The following WBP2NL variants were observed in gnomAD, a reference collection of about 807,000 sequenced individuals.
WBP2NL encodes postacrosomal sheath WW domain-binding protein.
A neutral mutation model predicts 23.3 loss-of-function variants in WBP2NL; 27 were observed. That is an observed-to-expected ratio of 1.16 (90% CI 0.85 to 1.60). The LOEUF is 1.60. Among genes scored for constraint, WBP2NL ranks in the 40% most tolerant of loss-of-function variants. The pLI, the probability that WBP2NL is intolerant of heterozygous loss-of-function variation, is 0.00. For synonymous variants in WBP2NL, 151 were observed against 145.9 expected, an observed-to-expected ratio of 1.03 and a Z score of -0.25; for missense variants, 370 against 389.5, an observed-to-expected ratio of 0.95 and a Z score of 0.42.
chr22:42,009,113 A>G (rs1040986874), intron 1 of WBP2NL, among the ~76,000 whole-genome samples: 8 of 152,220 alleles, frequency 5.3e-5, no homozygotes, highest in Middle Eastern at 3.4e-3. Context: ...ACAGGGTTTC[A>G]CCATGTTGGG....
At chr22:42,017,930 C>T (rs1923465925) in intron 1 of WBP2NL, among the ~76,000 whole-genome samples, 1 of 151,966 alleles carries the variant, frequency 6.6e-6, no homozygotes, top group Non-Finnish European at 1.5e-5. Context: ...GGGCGGATCA[C>T]CTGAGGTCAG....
downstream of WBP2NL, chr22:42,030,040 G>A (rs1237701434): frequency 1.3e-5 from 2 of 152,146 alleles, no homozygotes; most frequent in South Asian, 2.1e-4. Flanking sequence ...GATATTAATG[G>A]GTTTTATGTG....
rs1473246092 is a variant in WBP2NL, at chr22:42,020,901, TATATATA to T, written c.406+806_406+812del. Among the ~76,000 whole-genome samples the T allele has an allele frequency of 4.4e-4, 25 of 56,508 alleles. 1 individual carries two copies. The highest frequency in any genetic ancestry group is 9.3e-4 in the East Asian group (2 of 2,140). The allele number at this position is 56,508 out of a possible 152,430, so 37.1% of individuals were successfully genotyped here. A position where few individuals can be genotyped will look rare whatever the true frequency, so the allele number is the denominator to read the frequency against. On this transcript the variant is annotated intron_variant, in intron 4 of 5. Transcript: ENST00000328823. ...ATATATATATATATATATATATATATATATATATTTTTTTTTTTTTTTTTTTTTTTTT... is the reference window on the plus strand; with the variant it reads ...ATATATATATATATATATATATATATTTTTTTTTTTTTTTTTTTTTTTTTT...
intron 1 of WBP2NL, among the ~76,000 whole-genome samples, chr22:42,016,379 C>T (rs774645980): frequency 6.6e-6 from 1 of 152,162 alleles, no homozygotes; most frequent in African/African-American, 2.4e-5. Context: ...AAGGAGCCAC[C>T]AGACAAGTCA....
intron 8 of WBP2NL, among the ~76,000 whole-genome samples, chr22:42,049,393 A>G (rs758603276): frequency 6.6e-6 from 1 of 152,170 alleles, no homozygotes; most frequent in East Asian, 1.9e-4. Flanking sequence ...TAAAAATTCT[A>G]GAAGATAACA....
intron 1 of WBP2NL, chr22:42,003,124 C>G (rs966350340): frequency 1.3e-5 from 2 of 152,300 alleles, no homozygotes; most frequent in African/African-American, 4.9e-5. Flanking sequence ...CGCCATTGCA[C>G]TCCAGCCTGG....
Position 42,022,333 on chromosome 22 carries a change from G to A in WBP2NL, c.491G>A (p.Cys164Tyr), listed in dbSNP as rs762771401. Reference sequence around the variant, plus strand: ...GTAATTACTGGGGAAGGGAATATGTGCACTCCACAGATGCCTTGTTCAGGT... The same window carrying A: ...GTAATTACTGGGGAAGGGAATATGTACACTCCACAGATGCCTTGTTCAGGT... ...IYVITGEGNM[C>Y]TPQMPCSVIV... Residue 164 changes from cysteine to tyrosine, a missense_variant, in exon 5 of 6, where the codon TGC (cysteine) becomes TAC (tyrosine). Cys to Tyr is a radical substitution (Grantham distance 194). Transcript: ENST00000328823. The A allele has an allele frequency of 6.2e-7, 1 of 1,613,652 alleles. No individual in the cohort carries two copies. The highest frequency in any genetic ancestry group is 1.3e-5 in the African/African-American group (1 of 74,904).
chr22:42,015,791 G>T (rs1431910728), intron 1 of WBP2NL, among the ~76,000 whole-genome samples: 1 of 152,088 alleles, frequency 6.6e-6, no homozygotes, highest in African/African-American at 2.4e-5. Context: ...TTTGTTTTTA[G>T]TATGAATCTA....
rs1602469137 is a variant in WBP2NL, at chr22:42,028,153, A to C, written c.*972A>C. On this transcript the variant is annotated 3_prime_UTR_variant, in exon 6 of 6. Coordinates refer to ENST00000328823, the MANE Select transcript of WBP2NL (RefSeq NM_152613.3). The stretch of plus-strand genomic sequence containing the variant: ...ATTAGAAATAACCTATATGTCCATT[A>C]ATAGGAAATATATGAATAGGCTATG... The C allele has an allele frequency of 7.5e-5, 30 of 398,394 alleles. No homozygotes were observed. The East Asian group carries it at 1.0e-3, about 14-fold the overall frequency. 24.7% of individuals were successfully genotyped at this position (398,394 alleles called of 1,614,324 possible). A position where few individuals can be genotyped will look rare whatever the true frequency, so the allele number is the denominator to read the frequency against.
Position 42,044,248 on chromosome 22 carries a change from A to C in WBP2NL, c.*273+13425A>C, listed in dbSNP as rs142575718. 2.6e-3 allele frequency among the ~76,000 whole-genome samples: 389 copies of C among 151,358 alleles called. 2 individuals are homozygous for C. Among genetic ancestry groups the C allele is most frequent in the African/African-American group, 8.8e-3 (364 of 41,198 alleles). On this transcript the variant is annotated intron_variant and NMD_transcript_variant, in intron 8 of 8. Coordinates refer to the WBP2NL transcript ENST00000436265. ...CTAATTTTTTTTTAAATTTTTTTTT[A>C]TCTCTACAGACAAGGTCTCATTATG...
rs57938269 is a variant in WBP2NL, at chr22:42,054,715, TA to T, written c.*274-3559del. ...TAATTGAAGGGTCTTAGTACCTTTG[TA>T]AAAAAAAAAAAAAAATCAATTAACT... On this transcript the variant is annotated intron_variant and NMD_transcript_variant, in intron 8 of 8. Transcript: ENST00000436265. Among the ~76,000 whole-genome samples the T allele has an allele frequency of 6.0e-3, 838 of 138,878 alleles. 1 individual carries two copies. Among genetic ancestry groups the T allele is most frequent in the Admixed American group, 5.8e-3 (79 of 13,720 alleles). The allele number at this position is 138,878 out of a possible 152,430, so 91.1% of individuals were successfully genotyped here. A position where few individuals can be genotyped will look rare whatever the true frequency, so the allele number is the denominator to read the frequency against.
chr22:42,011,121 C>T (rs991966171), intron 1 of WBP2NL, among the ~76,000 whole-genome samples: 1 of 152,148 alleles, frequency 6.6e-6, no homozygotes, highest in Non-Finnish European at 1.5e-5. Flanking sequence ...TGTCTGGCTT[C>T]GGTATCAGGG....
intron 1 of WBP2NL, among the ~76,000 whole-genome samples, chr22:41,999,545 AG>A (rs1252743364): frequency 3.3e-5 from 5 of 152,214 alleles, no homozygotes; most frequent in African/African-American, 1.2e-4. Flanking sequence ...CAGTTTGGGA[AG>A]CTGAGGTGGC....
intron 8 of WBP2NL, among the ~76,000 whole-genome samples, chr22:42,039,762 TTTG>T (rs1354704652): frequency 8.5e-5 from 13 of 152,278 alleles, no homozygotes; most frequent in African/African-American, 3.1e-4. Context: ...GCTTGATGAT[TTTG>T]TTGATCTTTT....
At chr22:42,023,454 C>G (rs571288775) in intron 5 of WBP2NL, among the ~76,000 whole-genome samples, 1 of 152,080 alleles carries the variant, frequency 6.6e-6, no homozygotes, top group Non-Finnish European at 1.5e-5. Flanking sequence ...CTTGCCCTCC[C>G]GAGGTGCTGG....
intron 4 of WBP2NL, 132 bp downstream of exon 4, chr22:42,020,228 C>CG: frequency 1.1e-6 from 1 of 877,530 alleles, no homozygotes; most frequent in South Asian, 1.8e-5. Context: ...TTTTGTAAGT[C>CG]GGGGTTTCAC....
downstream of WBP2NL, among the ~76,000 whole-genome samples, chr22:42,035,758 A>G (rs969596477): frequency 6.6e-6 from 1 of 152,188 alleles, no homozygotes; most frequent in African/African-American, 2.4e-5. Flanking sequence ...ACTAATTAAC[A>G]TATCTATTAC....
At chr22:42,053,777 T>G (rs1305265507) in intron 8 of WBP2NL, among the ~76,000 whole-genome samples, 2 of 152,198 alleles carry the variant, frequency 1.3e-5, no homozygotes, top group Non-Finnish European at 2.9e-5. Flanking sequence ...CATCTTTTCA[T>G]GAGCTTATTA....
At chr22:41,998,901 C>T (rs1443443510) in intron 1 of WBP2NL, 21 bp downstream of exon 1, 5 of 1,604,022 alleles carry the variant, frequency 3.1e-6, no homozygotes, top group Admixed American at 3.4e-5. Context: ...GGAAGCACGG[C>T]GTGCTGTCGG....
Sources: gnomAD v4.1 joint callset for allele counts (sites outside exome capture counted in the v4.1 genomes callset) on GRCh38, gnomAD v4.1.1 for gene constraint, MANE v1.5 for transcripts, NCBI Gene and HGNC (gene_info 2026-07-23, HGNC 2026-07-21) for gene names.